The following FNDC5 variants were observed in gnomAD, a reference collection of about 807,000 sequenced individuals.
FNDC5 encodes fibronectin type III domain containing 5, also known as fibronectin type III domain-containing protein 5.
Under a neutral mutation model 24.6 loss-of-function variants are expected in FNDC5, and 10 were observed. That is an observed-to-expected ratio of 0.41 (90% confidence interval 0.25 to 0.69). The LOEUF (loss-of-function observed/expected upper bound fraction) is 0.69, where lower values mean the gene tolerates loss of function less well. Among genes scored for constraint, FNDC5 ranks in the 30% least tolerant of loss-of-function variants. FNDC5 has a pLI of 0.34. For synonymous variants in FNDC5, 90 were observed against 110.7 expected, an observed-to-expected ratio of 0.81 and a Z score of 1.18; for missense variants, 226 against 282.9, an observed-to-expected ratio of 0.80 and a Z score of 1.44.
At position 32,868,968 on chromosome 1, in the gene FNDC5, C is replaced by T. The variant is rs41265873; in HGVS notation, c.124G>A (p.Val42Ile). The change falls in exon 2 of 6, where the codon GTC becomes ATC. Residue 42 changes from valine to isoleucine, a missense_variant. Coordinates refer to ENST00000373471, the MANE Select transcript of FNDC5 (RefSeq NM_153756.3). This position sits in a 1 kb window ranked among gnomAD's most constrained non-coding sequence, Gnocchi z 4.8. ...GCAGAGTTGGCCTTGAGGTGCCTGA[C>T]GGTGACGTTCACTGGGGCTGAGGGA... 3.3e-5 allele frequency: 41 copies of T among 1,234,276 alleles called. No homozygotes were observed. The East Asian group carries it at 4.7e-4, about 14-fold the overall frequency. 76.5% of individuals were successfully genotyped at this position (1,234,276 alleles called of 1,614,324 possible).
rs763883177 is a variant in FNDC5 at position 32,868,436 on chromosome 1, C to T, written c.211-48G>A. On this transcript the variant is annotated intron_variant, in intron 2 of 5. Coordinates refer to ENST00000373471, the MANE Select transcript of FNDC5 (RefSeq NM_153756.3). This position sits in a 1 kb window ranked among gnomAD's most constrained non-coding sequence, Gnocchi z 4.8. ...GCTGTCAACACTCGGTGACCAGCCC[C>T]GCTCCTGCCCACCTCCCAGTGGTGA... 5.3e-4 allele frequency: 834 copies of T among 1,574,486 alleles called. 1 individual carries two copies. The highest frequency in any genetic ancestry group is 7.2e-4 in the South Asian group (62 of 86,684).
rs1210249551 is a variant in FNDC5 at position 32,868,858 on chromosome 1, C to T, written c.210+24G>A. On this transcript the variant is annotated intron_variant, in intron 2 of 5. Coordinates refer to ENST00000373471, the MANE Select transcript of FNDC5 (RefSeq NM_153756.3). The surrounding 1 kb of genome is among the most constrained non-coding windows in gnomAD (Gnocchi z 4.8). The stretch of plus-strand genomic sequence containing the variant: ...CACTACTGTCTTGATGTGTCCTTCC[C>T]TCCTAAGGACAGTGGAGCATTACCT... 8.8e-5 allele frequency: 108 copies of T among 1,221,186 alleles called. No homozygotes were observed. The highest frequency in any genetic ancestry group is 1.0e-4 in the Non-Finnish European group (99 of 973,366). 75.6% of individuals were successfully genotyped at this position (1,221,186 alleles called of 1,614,324 possible).
In FNDC5 at chr1:32,868,303, G is replaced by A. The variant is rs754092673; in HGVS notation, c.296C>T (p.Thr99Met). ...GGCCTGCACGTGGACTATGTACTCC[G>A]TATCCTCCTCCAGGTCCCAGAGGGC... Residue 99 changes from threonine to methionine, a missense_variant, in exon 3 of 6, where the codon ACG becomes ATG. By Grantham distance (81) the Thr-to-Met change is moderately conservative. Coordinates refer to ENST00000373471, the MANE Select transcript of FNDC5 (RefSeq NM_153756.3). The surrounding 1 kb of genome is among the most constrained non-coding windows in gnomAD (Gnocchi z 4.8). 18 of 1,614,148 alleles carry A rather than the reference G, an allele frequency of 1.1e-5. No homozygotes were observed. Among genetic ancestry groups the A allele is most frequent in the Non-Finnish European group, 1.4e-5 (16 of 1,180,034 alleles).
rs775897042 is a variant in FNDC5, at chr1:32,868,382, CCTT to C, written c.214_216del (p.Lys72del). On this transcript the variant is annotated inframe_deletion, in exon 3 of 6. Coordinates refer to ENST00000373471, the MANE Select transcript of FNDC5 (RefSeq NM_153756.3). The surrounding 1 kb of genome is among the most constrained non-coding windows in gnomAD (Gnocchi z 4.8). ...TGGATGAAGCGCAGCATCCGCACAT[CCTT>C]CTTCTGCAGACAAGCGCCGGTCACT... 1.2e-5 allele frequency: 19 copies of C among 1,613,356 alleles called. No individual in the cohort carries two copies. The highest frequency in any genetic ancestry group is 8.9e-5 in the East Asian group (4 of 44,852).
upstream of FNDC5, chr1:32,871,074 C>A (rs1641176899): frequency 6.6e-6 from 1 of 150,970 alleles, no homozygotes; most frequent in Admixed American, 6.6e-5. Flanking sequence ...GAAGGGGCTT[C>A]GCGGACCCAC....
At chr1:32,872,110 T>A (rs1004035559), upstream of FNDC5, among the ~76,000 whole-genome samples, 4 of 152,076 alleles carry the variant, frequency 2.6e-5, no homozygotes, top group Admixed American at 6.5e-5. Context: ...ATCCCCCTGG[T>A]TTTACATTAA....
chr1:32,864,856 T>C, intron 4 of FNDC5, 59 bp from the exon 5 acceptor site: 17 of 1,597,642 alleles, frequency 1.1e-5, no homozygotes, highest in Non-Finnish European at 1.4e-5. Flanking sequence ...CTCCCCTGCT[T>C]CTTTCCCACT....
Position 32,864,695 on chromosome 1 carries a change from T to C in FNDC5, c.602A>G (p.Glu201Gly). ...GCGGAGAAGCCCCCCGCCCTGGTGC[T>C]CTGGTGTGCTGGTTTCTGATGCACT... The change falls in exon 5 of 6, where the codon GAG (glutamate) becomes GGG (glycine). Residue 201 changes from glutamate (E) to glycine (G), a missense_variant. Transcript: ENST00000373471. 1 of 1,614,202 alleles carries C rather than the reference T, an allele frequency of 6.2e-7. No homozygotes were observed. The highest frequency in any genetic ancestry group is 8.5e-7 in the Non-Finnish European group (1 of 1,180,044).
At chr1:32,866,769 G>A (rs1387655692) in intron 4 of FNDC5, among the ~76,000 whole-genome samples, 1 of 152,226 alleles carries the variant, frequency 6.6e-6, no homozygotes, top group East Asian at 1.9e-4. Context: ...GCTTCGCCCA[G>A]ATAGTTCTTT....
rs1641022411 is a variant in FNDC5 at position 32,864,130 on chromosome 1, G to A, written c.*164C>T. 1 of 1,538,580 alleles carries A rather than the reference G, an allele frequency of 6.5e-7. No homozygotes were observed. Among genetic ancestry groups the A allele is most frequent in the Non-Finnish European group, 8.7e-7 (1 of 1,144,046 alleles). ...AGTTAATAAGAGGCTTCAGGAAAGT[G>A]CGCCAGAGAGAGGACAGTAAGCCAG... is the stretch of plus-strand genomic sequence containing the variant. On this transcript the variant is annotated 3_prime_UTR_variant, in exon 6 of 6. Coordinates refer to ENST00000373471, the MANE Select transcript of FNDC5 (RefSeq NM_153756.3).
chr1:32,867,847 A>G lies in FNDC5; in HGVS notation c.410-5T>C. The G allele has an allele frequency of 1.9e-6, 3 of 1,613,736 alleles. No homozygotes were observed. The highest frequency in any genetic ancestry group is 2.5e-6 in the Non-Finnish European group (3 of 1,179,820). On this transcript the variant is annotated splice_region_variant and splice_polypyrimidine_tract_variant and intron_variant, in intron 3 of 5. Transcript: ENST00000373471. ...TCTCTTTCATGGTTACCTCATCTGC[A>G]GGGAGAGAGACACTAGATCCAGCAC...
intron 5 of FNDC5, 75 bp from the exon 6 acceptor site, chr1:32,864,374 G>T: frequency 6.3e-7 from 1 of 1,592,956 alleles, no homozygotes; most frequent in Non-Finnish European, 8.6e-7. Flanking sequence ...GCAGGAGCAG[G>T]AATGGGCCAG....
rs1479160983 is a variant in FNDC5, at chr1:32,863,861, G to T, written c.*433C>A. Reference sequence around the variant, plus strand: ...GCTGGAAACAGGACAGAAGAAGGAAGGGAGCAGCAGCAGGGCTGTAGCCTA... The same window carrying T: ...GCTGGAAACAGGACAGAAGAAGGAATGGAGCAGCAGCAGGGCTGTAGCCTA... On this transcript the variant is annotated 3_prime_UTR_variant, in exon 6 of 6. Transcript: ENST00000373471. 11 of 1,307,562 alleles carry T rather than the reference G, an allele frequency of 8.4e-6. No individual in the cohort carries two copies. Among genetic ancestry groups the T allele is most frequent in the Non-Finnish European group, 1.1e-5 (11 of 991,368 alleles). 81.0% of individuals were successfully genotyped at this position (1,307,562 alleles called of 1,614,324 possible).
In FNDC5 at chr1:32,868,402, C is replaced by T; in HGVS notation, c.211-14G>A. The T allele has an allele frequency of 6.2e-7, 1 of 1,610,736 alleles. No homozygotes were observed. The highest frequency in any genetic ancestry group is 1.3e-5 in the African/African-American group (1 of 75,004). On this transcript the variant is annotated splice_polypyrimidine_tract_variant and intron_variant, in intron 2 of 5. Coordinates refer to ENST00000373471, the MANE Select transcript of FNDC5 (RefSeq NM_153756.3). This position sits in a 1 kb window ranked among gnomAD's most constrained non-coding sequence, Gnocchi z 4.8. The stretch of plus-strand genomic sequence containing the variant: ...CACATCCTTCTTCTGCAGACAAGCG[C>T]CGGTCACTGCTGTCAACACTCGGTG...
At position 32,864,170 on chromosome 1, in the gene FNDC5, TGGAG is replaced by T. The variant is rs1212982798; in HGVS notation, c.*120_*123del. ...CAGTAAGCCAGAGGGTACAAGGAGA[TGGAG>T]GGAAGAGATGTAGAGAGGGCCAGAT... On this transcript the variant is annotated 3_prime_UTR_variant, in exon 6 of 6. Coordinates refer to ENST00000373471, the MANE Select transcript of FNDC5 (RefSeq NM_153756.3). 3.8e-6 allele frequency: 6 copies of T among 1,599,266 alleles called. No homozygotes were observed. The highest frequency in any genetic ancestry group is 1.3e-5 in the African/African-American group (1 of 74,732).
In FNDC5 at chr1:32,867,970, C is replaced by T. The variant is rs1331214213; in HGVS notation, c.410-128G>A. 7 of 1,049,246 alleles carry T rather than the reference C, an allele frequency of 6.7e-6. No homozygotes were observed. In the African/African-American group the frequency reaches 1.1e-4, roughly 17 times the overall value. The allele number at this position is 1,049,246 out of a possible 1,614,324, so 65.0% of individuals were successfully genotyped here. On this transcript the variant is annotated intron_variant, in intron 3 of 5. Coordinates refer to ENST00000373471, the MANE Select transcript of FNDC5 (RefSeq NM_153756.3). ...CATCTAACATACATTCTAGAATGCA[C>T]TGATGGCTACTTGGGGTGGCAGTGA...
Position 32,868,302 on chromosome 1 carries a change from C to T in FNDC5, c.297G>A (p.Thr99=), listed in dbSNP as rs371060777. ...TGGCCTGCACGTGGACTATGTACTC[C>T]GTATCCTCCTCCAGGTCCCAGAGGG... The change falls in exon 3 of 6, where the codon ACG becomes ACA. Residue 99 remains threonine, a synonymous_variant. Transcript: ENST00000373471. The surrounding 1 kb of genome is among the most constrained non-coding windows in gnomAD (Gnocchi z 4.8). 313 of 1,614,088 alleles carry T rather than the reference C, an allele frequency of 1.9e-4. 2 individuals are homozygous for T. Among genetic ancestry groups the T allele is most frequent in the South Asian group, 3.2e-4 (29 of 91,092 alleles).
In FNDC5 at chr1:32,864,806, G is replaced by A. The variant is rs759139981; in HGVS notation, c.500-9C>T. The A allele has an allele frequency of 8.7e-6, 14 of 1,613,634 alleles. No individual in the cohort carries two copies. Among genetic ancestry groups the A allele is most frequent in the African/African-American group, 6.7e-5 (5 of 74,920 alleles). On this transcript the variant is annotated splice_polypyrimidine_tract_variant and intron_variant, in intron 4 of 5. Transcript: ENST00000373471. ...GAAGAGGGCAATGACACCTGAGGGG[G>A]GACAAGTGAGCAGTCAGAGGCCAGA...
chr1:32,864,437 A>G (rs1569986026), intron 5 of FNDC5, 138 bp from the exon 6 acceptor site: 3 of 1,462,412 alleles, frequency 2.1e-6, no homozygotes, highest in Non-Finnish European at 2.7e-6. Context: ...CTCCCCACTC[A>G]CTGCTTTTTT....
Sources: allele counts gnomAD v4.1 joint callset (sites outside exome capture counted in the v4.1 genomes callset), GRCh38; gene constraint gnomAD v4.1.1; non-coding constraint Gnocchi (gnomAD v3.1); transcripts MANE v1.5; gene names NCBI Gene and HGNC (gene_info 2026-07-23, HGNC 2026-07-21).